The following KAZN variants were observed in gnomAD, a reference collection of about 807,000 sequenced individuals.
KAZN encodes kazrin, periplakin interacting protein, also known as kazrin.
Under a neutral mutation model 87.4 loss-of-function variants are expected in KAZN, and 40 were observed. The ratio of observed to expected loss-of-function variants is 0.46; its 90% CI spans 0.36 to 0.60. The LOEUF (loss-of-function observed/expected upper bound fraction) is 0.60. KAZN is among the 20% of genes least tolerant of loss of function. KAZN has a pLI of 0.00. For synonymous variants in KAZN, 466 were observed against 458.3 expected, an observed-to-expected ratio of 1.02 and a Z score of -0.22; for missense variants, 898 against 1,073.9, an observed-to-expected ratio of 0.84 and a Z score of 2.29.
chr1:14,247,237 T>A, intron 2 of KAZN, among the ~76,000 whole-genome samples: 1 of 152,292 alleles, frequency 6.6e-6, no homozygotes, highest in East Asian at 1.9e-4. Context: ...AAACTAACTT[T>A]CTTTCATTAG....
At chr1:14,484,713 G>C (rs929600268) in intron 2 of KAZN, among the ~76,000 whole-genome samples, 35 of 152,226 alleles carry the variant, frequency 2.3e-4, no homozygotes, top group African/African-American at 8.2e-4. Flanking sequence ...GCGGTCAGCT[G>C]CAGGGAGTTC....
intron 6 of KAZN, chr1:15,061,989 G>A (rs984115432): frequency 1.3e-5 from 2 of 152,214 alleles, no homozygotes; most frequent in African/African-American, 4.8e-5. Context: ...GACCACTGTG[G>A]AGTTATACCT....
At chr1:14,834,822 A>G (rs1434376385) in intron 1 of KAZN, among the ~76,000 whole-genome samples, 1 of 152,162 alleles carries the variant, frequency 6.6e-6, no homozygotes, top group East Asian at 1.9e-4. Flanking sequence ...TAGTATTAGT[A>G]TTAGTATTAG....
At chr1:14,672,985 C>T (rs1053434326) in intron 1 of KAZN, among the ~76,000 whole-genome samples, 120 of 152,092 alleles carry the variant, frequency 7.9e-4, no homozygotes, top group Non-Finnish European at 1.4e-3. Flanking sequence ...CAAAAGAGGC[C>T]GAGAACGTTT....
At chr1:14,188,892 A>G (rs901540946) in intron 2 of KAZN, among the ~76,000 whole-genome samples, 20 of 152,162 alleles carry the variant, frequency 1.3e-4, no homozygotes, top group African/African-American at 4.8e-4. Context: ...GCTCCCATCC[A>G]TTAGTCAGAT....
chr1:14,204,900 T>A (rs1176403802), intron 2 of KAZN, among the ~76,000 whole-genome samples: 3 of 152,262 alleles, frequency 2.0e-5, no homozygotes, highest in Non-Finnish European at 4.4e-5. Flanking sequence ...TAGGGAATGC[T>A]AACTGCTGTC....
At chr1:14,848,521 T>A (rs1466024500) in intron 1 of KAZN, among the ~76,000 whole-genome samples, 1 of 152,102 alleles carries the variant, frequency 6.6e-6, no homozygotes, top group African/African-American at 2.4e-5. Flanking sequence ...CAAAGACAAC[T>A]CCTTGTCGAG....
rs186997776 is a variant in KAZN at position 14,333,298 on chromosome 1, C to T, written c.249+152706C>T. 3.0e-4 allele frequency among the ~76,000 whole-genome samples: 46 copies of T among 152,246 alleles called. No individual in the cohort carries two copies. In the East Asian group the frequency reaches 7.1e-3, roughly 24 times the overall value. On this transcript the variant is annotated intron_variant, in intron 2 of 16. Coordinates refer to the KAZN transcript ENST00000636203. ...ATCCAGACTATCATTGATGGGCATT[C>T]GGGTTGATTCCATGTCTTTGCTATT...
rs565234457 is a variant in KAZN at position 14,032,852 on chromosome 1, A to T, written c.91+139096A>T. ...ATACACTAAGTGCCAGAGGTACTGC[A>T]GGAATCATTTCATTACATTCTCCCA... On this transcript the variant is annotated intron_variant, in intron 1 of 16. Transcript: ENST00000636203. Among the ~76,000 whole-genome samples, 3 of 152,326 alleles carry T rather than the reference A, an allele frequency of 2.0e-5. No individual in the cohort carries two copies. In the East Asian group the frequency reaches 5.8e-4, roughly 29 times the overall value.
At position 15,101,543 on chromosome 1, in the gene KAZN, C is replaced by A; in HGVS notation, c.1548C>A (p.Ser516Arg). Residue 516 changes from serine (S) to arginine (R), a missense_variant and splice_region_variant, in exon 11 of 15, where the codon AGC becomes AGA. By Grantham distance (110) the Ser-to-Arg change is moderately radical. Coordinates refer to ENST00000376030, the MANE Select transcript of KAZN (RefSeq NM_201628.3). Reference protein sequence around the residue: ...EDYRDAEAGRSLSKAAELDHH... With the variant: ...EDYRDAEAGRRLSKAAELDHH... The stretch of plus-strand genomic sequence containing the variant: ...CTCTCTGGCTATGTCTCCTCCCCAG[C>A]CTGTCCAAAGCTGCCGAGCTGGACC... 1.9e-6 allele frequency: 3 copies of A among 1,551,088 alleles called. No individual in the cohort carries two copies. Among genetic ancestry groups the A allele is most frequent in the Non-Finnish European group, 1.7e-6 (2 of 1,146,354 alleles).
At chr1:14,337,809 G>T (rs1557648286) in intron 2 of KAZN, among the ~76,000 whole-genome samples, 1 of 150,668 alleles carries the variant, frequency 6.6e-6, no homozygotes, top group South Asian at 2.1e-4. Context: ...CAGGATAATC[G>T]CTTGAACTCA....
At chr1:14,797,190 A>G (rs1645854718) in intron 1 of KAZN, among the ~76,000 whole-genome samples, 1 of 152,006 alleles carries the variant, frequency 6.6e-6, no homozygotes, top group African/African-American at 2.4e-5. Context: ...CCTCCCAAGT[A>G]GCTGGGCTTA....
intron 2 of KAZN, among the ~76,000 whole-genome samples, chr1:14,571,468 A>G (rs987049365): frequency 2.0e-5 from 3 of 152,188 alleles, no homozygotes; most frequent in African/African-American, 7.2e-5. Context: ...GGCCTAATTC[A>G]GTAAAATGGG....
intron 1 of KAZN, among the ~76,000 whole-genome samples, chr1:14,928,416 T>C (rs1659412819): frequency 6.7e-6 from 1 of 150,176 alleles, no homozygotes; most frequent in South Asian, 2.1e-4. Flanking sequence ...GCCACTGCAC[T>C]CCAGCCTGGG....
intron 1 of KAZN, among the ~76,000 whole-genome samples, chr1:14,630,291 G>C (rs886213339): frequency 2.0e-5 from 3 of 152,156 alleles, no homozygotes; most frequent in Non-Finnish European, 4.4e-5. Flanking sequence ...GTTGTTTCCT[G>C]TCCCTTCTGT....
intron 2 of KAZN, among the ~76,000 whole-genome samples, chr1:14,975,988 T>C (rs1402428613): frequency 1.0e-4 from 14 of 135,658 alleles, no homozygotes; most frequent in South Asian, 7.0e-4. Flanking sequence ...ACCGAGATCA[T>C]GCCACTGCAC....
rs548191849 is a variant in KAZN, at chr1:15,015,709, C to T, written c.419-19040C>T. Among the ~76,000 whole-genome samples the T allele has an allele frequency of 5.3e-5, 8 of 152,270 alleles. 1 individual carries two copies. In the East Asian group the frequency reaches 1.5e-3, roughly 29 times the overall value. On this transcript the variant is annotated intron_variant, in intron 2 of 14. Transcript: ENST00000376030. ...CCCTTTCTGGGTCTGCTCCACAGGT[C>T]CTTCTATATTTTAAGGGTTTCCTGG...
chr1:13,907,506 T>C (rs1639487583), intron 1 of KAZN, among the ~76,000 whole-genome samples: 1 of 149,096 alleles, frequency 6.7e-6, no homozygotes, highest in South Asian at 2.1e-4. Flanking sequence ...TGTGTGTGTG[T>C]GTGTTGGGTG....
chr1:14,163,862 C>A, intron 1 of KAZN, among the ~76,000 whole-genome samples: 1 of 152,184 alleles, frequency 6.6e-6, no homozygotes, highest in Non-Finnish European at 1.5e-5. Flanking sequence ...CGTTACGTAG[C>A]AAGAACCTTC....
Sources: allele counts gnomAD v4.1 joint callset (sites outside exome capture counted in the v4.1 genomes callset), GRCh38; gene constraint gnomAD v4.1.1; transcripts MANE v1.5; gene names NCBI Gene and HGNC (gene_info 2026-07-23, HGNC 2026-07-21).